PRDM2: variants seen among roughly 807,000 people sequenced by gnomAD.
The protein encoded by PRDM2 is PR/SET domain 2.
PRDM2 carries 30 observed loss-of-function variants against 130.0 expected under a neutral mutation model. The observed-to-expected ratio is 0.23, with a 90% CI of 0.17 to 0.31. The LOEUF (loss-of-function observed/expected upper bound fraction) is 0.31, where lower values mean the gene tolerates loss of function less well. Ranked by LOEUF, PRDM2 falls within the 10% of genes least tolerant of loss-of-function variation. The pLI is 1.00. For synonymous variants in PRDM2, 871 were observed against 782.4 expected (o/e 1.11, Z -1.89); for missense variants, 2,011 against 2,108.4 (o/e 0.95, Z 0.90).
intron 1 of PRDM2, among the ~76,000 whole-genome samples, chr1:13,712,897 C>T (rs1642415546): frequency 6.6e-6 from 1 of 152,238 alleles, no homozygotes; most frequent in Non-Finnish European, 1.5e-5. Flanking sequence ...GGGCATCAGC[C>T]TCCGACATTG....
intron 2 of PRDM2, 57 bp from the exon 3 acceptor site, chr1:13,730,943 A>AC: frequency 5.4e-6 from 7 of 1,298,202 alleles, no homozygotes; most frequent in Non-Finnish European, 7.4e-6. Flanking sequence ...AAAAAAAAAA[A>AC]CCCATGATTT....
chr1:13,772,529 C>T (rs1414267089), intron 6 of PRDM2, among the ~76,000 whole-genome samples: 6 of 152,316 alleles, frequency 3.9e-5, no homozygotes, highest in Non-Finnish European at 1.5e-5. Context: ...GTGAATTATT[C>T]ATAATTACTC....
chr1:13,750,287 G>T (rs988989401), intron 6 of PRDM2, among the ~76,000 whole-genome samples: 1 of 151,920 alleles, frequency 6.6e-6, no homozygotes, highest in African/African-American at 2.4e-5. Context: ...ATTTTAATGT[G>T]AATTGGGGAA....
At chr1:13,723,164 G>A (rs1266785859) in intron 2 of PRDM2, among the ~76,000 whole-genome samples, 3 of 152,136 alleles carry the variant, frequency 2.0e-5, no homozygotes, top group East Asian at 1.9e-4. Flanking sequence ...CTTAATACAT[G>A]ACTCATTTTC....
intron 7 of PRDM2, among the ~76,000 whole-genome samples, chr1:13,777,111 G>A (rs2100651338): frequency 6.6e-6 from 1 of 152,198 alleles, no homozygotes; most frequent in South Asian, 2.1e-4. Flanking sequence ...TTCTCTTGTG[G>A]TCTTCCAACG....
rs1255675753 is a variant in PRDM2 at position 13,780,664 on chromosome 1, T to C, written c.2869T>C (p.Ser957Pro). Reference sequence around the variant, plus strand: ...ACCTGCCCTGCAGACACCCTCCCTTTCATCCGGTCAGCTGCCTCCTCTCTT... The same window carrying C: ...ACCTGCCCTGCAGACACCCTCCCTTCCATCCGGTCAGCTGCCTCCTCTCTT... ...SSPALQTPSL[S>P]SGQLPPLLIP... Residue 957 changes from serine (S) to proline (P), a missense_variant, in exon 8 of 10, where the codon TCA (serine) becomes CCA (proline). By Grantham distance (74) the Ser-to-Pro change is moderately conservative (BLOSUM62 -1). Around this residue, in one of 5 missense-constraint regions of PRDM2, gnomAD observed 1,288 missense variants for 1,237.7 expected, o/e 1.04. Transcript: ENST00000311066. 1 of 1,611,876 alleles carries C rather than the reference T, an allele frequency of 6.2e-7. No homozygotes were observed. Among genetic ancestry groups the C allele is most frequent in the Non-Finnish European group, 8.5e-7 (1 of 1,178,788 alleles).
chr1:13,798,149 G>A (rs1644951094), intron 8 of PRDM2, among the ~76,000 whole-genome samples: 1 of 152,104 alleles, frequency 6.6e-6, no homozygotes, highest in East Asian at 1.9e-4. Context: ...TGCACCCACC[G>A]TAGGCCTGAG....
At chr1:13,808,319 A>G (rs1415603520) in intron 8 of PRDM2, among the ~76,000 whole-genome samples, 1 of 151,970 alleles carries the variant, frequency 6.6e-6, no homozygotes, top group Non-Finnish European at 1.5e-5. Context: ...GTGAAACCCC[A>G]TCTCTACTAA....
intron 5 of PRDM2, among the ~76,000 whole-genome samples, chr1:13,744,920 G>C (rs530767698): frequency 3.3e-5 from 5 of 152,282 alleles, no homozygotes; most frequent in Non-Finnish European, 7.4e-5. Flanking sequence ...TGTGGGCTCT[G>C]TATCTTCTCA....
chr1:13,733,096 TA>T (rs2100478355), intron 4 of PRDM2, among the ~76,000 whole-genome samples: 1 of 152,340 alleles, frequency 6.6e-6, no homozygotes, highest in Admixed American at 6.5e-5. Flanking sequence ...TCCTCAACAA[TA>T]AATGTCAAAT....
intron 2 of PRDM2, among the ~76,000 whole-genome samples, chr1:13,715,953 C>T (rs1642520144): frequency 1.3e-5 from 2 of 152,088 alleles, no homozygotes; most frequent in African/African-American, 4.8e-5. Flanking sequence ...TCATTTTTAG[C>T]GTTTTTTATT....
At chr1:13,767,477 T>A (rs1644254987) in intron 6 of PRDM2, among the ~76,000 whole-genome samples, 1 of 151,360 alleles carries the variant, frequency 6.6e-6, no homozygotes, top group Admixed American at 6.6e-5. Flanking sequence ...ATTTTTTTTT[T>A]TTTTTTTGGT....
intron 1 of PRDM2, among the ~76,000 whole-genome samples, chr1:13,708,027 C>G (rs927123945): frequency 3.3e-5 from 5 of 151,760 alleles, no homozygotes; most frequent in Non-Finnish European, 2.9e-5. Context: ...TAAATTTAAT[C>G]AAAAGTATGA....
Position 13,823,173 on chromosome 1 carries a change from T to C in PRDM2, c.*38T>C. 1 of 1,613,354 alleles carries C rather than the reference T, an allele frequency of 6.2e-7. No homozygotes were observed. The highest frequency in any genetic ancestry group is 1.1e-5 in the South Asian group (1 of 90,956). On this transcript the variant is annotated 3_prime_UTR_variant, in exon 10 of 10. Transcript: ENST00000311066. ...TTTCTCCTCAGCACCTGAAGTGACC[T>C]GGAATCAGTGAAGCCAAAGGGACTG...
At chr1:13,766,703 G>T (rs530861406) in intron 6 of PRDM2, among the ~76,000 whole-genome samples, 2 of 152,298 alleles carry the variant, frequency 1.3e-5, no homozygotes, top group South Asian at 2.1e-4. Context: ...AGATCGGATG[G>T]ACCTAACTTC....
At chr1:13,702,191 T>C (rs967821751) in intron 1 of PRDM2, among the ~76,000 whole-genome samples, 2 of 152,218 alleles carry the variant, frequency 1.3e-5, no homozygotes, top group African/African-American at 4.8e-5. Flanking sequence ...TATATATTTA[T>C]TTACATTTTA....
chr1:13,749,862 G>T (rs972097116), intron 6 of PRDM2, among the ~76,000 whole-genome samples: 21 of 152,112 alleles, frequency 1.4e-4, no homozygotes, highest in African/African-American at 4.6e-4. Flanking sequence ...GCAGCCGCGC[G>T]CACGGCGGGC....
At chr1:13,787,694 T>C (rs892514905) in intron 8 of PRDM2, 22 of 983,984 alleles carry the variant, frequency 2.2e-5, no homozygotes, top group Non-Finnish European at 2.2e-5. Flanking sequence ...GTATTATATG[T>C]GATTTACATT....
rs562049193 is a variant in PRDM2, at chr1:13,802,451, G to A, written c.5037-13976G>A. Among the ~76,000 whole-genome samples the A allele has an allele frequency of 6.8e-4, 104 of 152,268 alleles. 1 individual carries two copies. Among genetic ancestry groups the A allele is most frequent in the Admixed American group, 1.8e-3 (27 of 15,296 alleles). The stretch of plus-strand genomic sequence containing the variant: ...AGCATCCCTGGACCGGTTCCGGGTC[G>A]TCCAGTGTGGGCATCAGGCATCATG... On this transcript the variant is annotated intron_variant, in intron 8 of 9. Coordinates refer to ENST00000311066, the MANE Select transcript of PRDM2 (RefSeq NM_001393986.1).
Sources: gnomAD v4.1 joint callset for allele counts (sites outside exome capture counted in the v4.1 genomes callset) on GRCh38, gnomAD v4.1.1 for gene constraint, gnomAD v4.1.1 regional missense constraint, MANE v1.5 for transcripts, NCBI Gene and HGNC (gene_info 2026-07-23, HGNC 2026-07-21) for gene names.